THSD4: variants seen among roughly 807,000 people sequenced by gnomAD.
The protein encoded by THSD4 is thrombospondin type 1 domain containing 4, also known as thrombospondin type-1 domain-containing protein 4.
Under a neutral mutation model 119.0 loss-of-function variants are expected in THSD4, and 69 were observed. The ratio of observed to expected loss-of-function variants is 0.58; its 90% CI spans 0.48 to 0.71. The LOEUF (loss-of-function observed/expected upper bound fraction) is 0.71. Ranked by LOEUF, THSD4 falls within the 30% of genes least tolerant of loss-of-function variation. The pLI is 0.00. For missense variants in THSD4, 1,393 were observed against 1,391.1 expected (o/e 1.00, Z -0.02); for synonymous variants, 524 against 540.4 (o/e 0.97, Z 0.42).
intron 1 of THSD4, among the ~76,000 whole-genome samples, chr15:71,124,676 T>C (rs1318113651): frequency 6.6e-6 from 1 of 152,208 alleles, no homozygotes; most frequent in Non-Finnish European, 1.5e-5. Flanking sequence ...AAATTTTAAA[T>C]CATATTATTT....
At chr15:71,368,882 G>A (rs1240629592) in intron 6 of THSD4, among the ~76,000 whole-genome samples, 2 of 152,148 alleles carry the variant, frequency 1.3e-5, no homozygotes, top group South Asian at 2.1e-4. Flanking sequence ...GGGCAGTATG[G>A]CCATTTTCAC....
At chr15:71,339,140 T>C (rs531614602) in intron 6 of THSD4, among the ~76,000 whole-genome samples, 3 of 152,190 alleles carry the variant, frequency 2.0e-5, no homozygotes, top group Non-Finnish European at 4.4e-5. Flanking sequence ...CCTTAAGATA[T>C]CACTTAAGAA....
intron 7 of THSD4, among the ~76,000 whole-genome samples, chr15:71,448,339 A>G (rs1694260308): frequency 6.6e-6 from 1 of 152,218 alleles, no homozygotes; most frequent in African/African-American, 2.4e-5. Flanking sequence ...GGTGGCAGAG[A>G]CTGCTTAGGA....
chr15:71,464,173 G>T (rs1391517161), intron 7 of THSD4, among the ~76,000 whole-genome samples: 5 of 152,116 alleles, frequency 3.3e-5, no homozygotes, highest in Non-Finnish European at 7.4e-5. Context: ...GTCCACTCTG[G>T]CTCAGTCCTT....
intron 7 of THSD4, among the ~76,000 whole-genome samples, chr15:71,483,383 A>G (rs1177426620): frequency 6.6e-6 from 1 of 152,168 alleles, no homozygotes; most frequent in African/African-American, 2.4e-5. Context: ...GTCAAAGATT[A>G]TAAGTTTCTC....
At chr15:71,382,994 T>G (rs2046246910) in intron 6 of THSD4, among the ~76,000 whole-genome samples, 1 of 152,242 alleles carries the variant, frequency 6.6e-6, no homozygotes, top group South Asian at 2.1e-4. Context: ...AACAATGAAT[T>G]TTGAAACAAG....
At chr15:71,409,622 A>G (rs2046655771) in intron 6 of THSD4, among the ~76,000 whole-genome samples, 1 of 152,238 alleles carries the variant, frequency 6.6e-6, no homozygotes, top group Non-Finnish European at 1.5e-5. Flanking sequence ...CTTCTAAGAT[A>G]GAGCTCAGAG....
chr15:71,771,305 G>C, intron 17 of THSD4, 97 bp downstream of exon 17: 2 of 1,472,362 alleles, frequency 1.4e-6, no homozygotes, highest in Admixed American at 3.8e-5. Context: ...AGGTCTTTCT[G>C]TGACCTTGCA....
intron 6 of THSD4, among the ~76,000 whole-genome samples, chr15:71,278,886 G>T (rs962073737): frequency 6.6e-6 from 1 of 152,110 alleles, no homozygotes; most frequent in African/African-American, 2.4e-5. Flanking sequence ...AAATTTTATC[G>T]AGTGAGCCAT....
At chr15:71,314,844 T>G (rs193258077) in intron 6 of THSD4, among the ~76,000 whole-genome samples, 4 of 152,338 alleles carry the variant, frequency 2.6e-5, no homozygotes, top group African/African-American at 9.6e-5. Context: ...AATATTTCTA[T>G]TTTAAACAAA....
intron 7 of THSD4, among the ~76,000 whole-genome samples, chr15:71,567,263 A>G (rs990884772): frequency 6.6e-6 from 1 of 152,100 alleles, no homozygotes; most frequent in African/African-American, 2.4e-5. Context: ...GTTCCCCCAG[A>G]CACAGCTGAG....
At chr15:71,361,135 G>A (rs1191871767) in intron 6 of THSD4, among the ~76,000 whole-genome samples, 1 of 152,178 alleles carries the variant, frequency 6.6e-6, no homozygotes, top group African/African-American at 2.4e-5. Flanking sequence ...GGAGGGCCCT[G>A]GGTATCCTAC....
intron 11 of THSD4, among the ~76,000 whole-genome samples, chr15:71,744,312 A>G (rs1355715746): frequency 5.3e-5 from 8 of 152,170 alleles, no homozygotes. Flanking sequence ...CATTCATTCA[A>G]CACGGTCATT....
chr15:71,345,568 A>G (rs548257353), intron 6 of THSD4, among the ~76,000 whole-genome samples: 8 of 152,308 alleles, frequency 5.3e-5, no homozygotes, highest in Non-Finnish European at 8.8e-5. Context: ...ACAATGGCAG[A>G]TCTCTGGGGT....
intron 2 of THSD4, among the ~76,000 whole-genome samples, chr15:71,153,611 G>T (rs556563218): frequency 6.6e-6 from 1 of 152,276 alleles, no homozygotes; most frequent in African/African-American, 2.4e-5. Flanking sequence ...TGGATTCTTA[G>T]AAATGGTGGA....
intron 7 of THSD4, among the ~76,000 whole-genome samples, chr15:71,493,387 C>T (rs2047954474): frequency 6.6e-6 from 1 of 152,144 alleles, no homozygotes; most frequent in Admixed American, 6.5e-5. Flanking sequence ...GGACAGGAGC[C>T]ATCTCAAACT....
At chr15:71,607,474 G>A (rs2050130166) in intron 7 of THSD4, among the ~76,000 whole-genome samples, 1 of 152,206 alleles carries the variant, frequency 6.6e-6, no homozygotes, top group Admixed American at 6.5e-5. Flanking sequence ...AGGTGAGAAA[G>A]GTATGTTGTC....
chr15:71,361,656 AT>A (rs1158569551), intron 6 of THSD4, among the ~76,000 whole-genome samples: 1 of 152,214 alleles, frequency 6.6e-6, no homozygotes, highest in African/African-American at 2.4e-5. Context: ...ACCTACAGCT[AT>A]TTCACTATTT....
At chr15:71,442,695 T>TATATATAC (rs2047126363) in intron 7 of THSD4, among the ~76,000 whole-genome samples, 8 of 118,440 alleles carry the variant, frequency 6.8e-5, no homozygotes, top group African/African-American at 2.5e-4. Flanking sequence ...TATATATATA[T>TATATATAC]ATATATATGA....
Sources: allele counts gnomAD v4.1 joint callset (sites outside exome capture counted in the v4.1 genomes callset), GRCh38; gene constraint gnomAD v4.1.1; transcripts MANE v1.5; gene names NCBI Gene and HGNC (gene_info 2026-07-23, HGNC 2026-07-21).